The following TRAM2 variants were observed in gnomAD, a reference collection of about 807,000 sequenced individuals.
The protein encoded by TRAM2 is translocation associated membrane protein 2.
In TRAM2, 12 loss-of-function variants were observed where a neutral mutation model predicts 51.0. The ratio of observed to expected loss-of-function variants is 0.24; its 90% confidence interval spans 0.15 to 0.38. TRAM2 has a LOEUF of 0.38. Among genes scored for constraint, TRAM2 ranks in the 10% least tolerant of loss-of-function variants. The probability of loss-of-function intolerance (pLI) is 1.00; values close to 1 mark genes in which losing one functional copy is unlikely to be tolerated. For synonymous variants in TRAM2, 175 were observed against 179.4 expected (o/e 0.98, Z 0.20); for missense variants, 361 against 462.0 (o/e 0.78, Z 2.00).
chr6:52,545,259 C>T (rs554185548), intron 1 of TRAM2, among the ~76,000 whole-genome samples: 9 of 152,058 alleles, frequency 5.9e-5, no homozygotes, highest in African/African-American at 2.2e-4. Flanking sequence ...CAGACACCCT[C>T]GGCCATGGCT....
rs144828886 is a variant in TRAM2, at chr6:52,544,033, T to C, written c.121-8187A>G. Reference sequence around the variant, plus strand: ...TTGAAAGTTTCAAACATCAGCATGTTGACCCCCACATTTTGACTGAAGAGC... The same window carrying C: ...TTGAAAGTTTCAAACATCAGCATGTCGACCCCCACATTTTGACTGAAGAGC... On this transcript the variant is annotated intron_variant, in intron 1 of 10. Coordinates refer to ENST00000182527, the MANE Select transcript of TRAM2 (RefSeq NM_012288.4). Among the ~76,000 whole-genome samples, 445 of 152,322 alleles carry C rather than the reference T, an allele frequency of 2.9e-3. 3 individuals are homozygous for C. Among genetic ancestry groups the C allele is most frequent in the African/African-American group, 0.01 (430 of 41,562 alleles).
intron 1 of TRAM2, among the ~76,000 whole-genome samples, chr6:52,558,782 C>T (rs529890235): frequency 1.7e-4 from 26 of 152,242 alleles, no homozygotes; most frequent in South Asian, 4.2e-4. Flanking sequence ...ATGGCAAATA[C>T]GATCCCTCTA....
At chr6:52,513,975 A>AGTTCTTTGT (rs1766496649) in intron 4 of TRAM2, among the ~76,000 whole-genome samples, 1 of 152,202 alleles carries the variant, frequency 6.6e-6, no homozygotes, top group Non-Finnish European at 1.5e-5. Context: ...ATGGCCAGAT[A>AGTTCTTTGT]GTTCTTTGTT....
intron 4 of TRAM2, among the ~76,000 whole-genome samples, chr6:52,510,140 C>T (rs1482897679): frequency 2.0e-5 from 3 of 152,234 alleles, no homozygotes; most frequent in Admixed American, 2.0e-4. Context: ...ATAGGCCTCA[C>T]CATGCAGCTG....
chr6:52,505,822 C>G, intron 8 of TRAM2, 80 bp from the exon 9 acceptor site: 1 of 1,522,114 alleles, frequency 6.6e-7, no homozygotes, highest in Non-Finnish European at 8.8e-7. Flanking sequence ...GAAGAGACCC[C>G]GAGTGGGAAG....
intron 1 of TRAM2, among the ~76,000 whole-genome samples, chr6:52,544,342 T>C (rs896793313): frequency 3.3e-5 from 5 of 152,324 alleles, no homozygotes; most frequent in Admixed American, 2.6e-4. Flanking sequence ...CTCTGTGTCC[T>C]AGTTTCCATA....
At position 52,501,568 on chromosome 6, in the gene TRAM2, C is replaced by G. The variant is rs1273549615; in HGVS notation, c.*1629G>C. ...TAATTGGGACTTTTGTTTTTTTAGA[C>G]AGAATTTCGCTCTTGTTGTCCAGGC... is the stretch of plus-strand genomic sequence containing the variant. On this transcript the variant is annotated 3_prime_UTR_variant, in exon 11 of 11. Coordinates refer to ENST00000182527, the MANE Select transcript of TRAM2 (RefSeq NM_012288.4). The G allele has an allele frequency of 6.6e-6, 1 of 152,176 alleles. No homozygotes were observed. Among genetic ancestry groups the G allele is most frequent in the African/African-American group, 2.4e-5 (1 of 41,432 alleles). The allele number at this position is 152,176 out of a possible 1,614,324, so 9.4% of individuals were successfully genotyped here.
At position 52,516,734 on chromosome 6, in the gene TRAM2, C is replaced by T. The variant is rs1766557404; in HGVS notation, c.188G>A (p.Ser63Asn). 1.2e-6 allele frequency: 2 copies of T among 1,612,644 alleles called. No homozygotes were observed. The highest frequency in any genetic ancestry group is 4.5e-5 in the East Asian group (2 of 44,886). The change falls in exon 3 of 11, where the codon AGT becomes AAT. Residue 63 changes from serine to asparagine, a missense_variant. Transcript: ENST00000182527. ...QYNISVPTADSETVHYHYGPK... is the reference protein window; with the variant it reads ...QYNISVPTADNETVHYHYGPK... Reference sequence around the variant, plus strand: ...GCCATAGTGGTAGTGCACGGTCTCACTGTCTGTGGAGGTAATAAAAGTCCC... The same window carrying T: ...GCCATAGTGGTAGTGCACGGTCTCATTGTCTGTGGAGGTAATAAAAGTCCC...
At chr6:52,503,314 A>G (rs1223935839) in intron 10 of TRAM2, 44 bp from the exon 11 acceptor site, 2 of 1,578,196 alleles carry the variant, frequency 1.3e-6, no homozygotes, top group Non-Finnish European at 1.7e-6. Flanking sequence ...TTTCTGCTGG[A>G]GCTAAGGCAG....
chr6:52,510,102 TG>T (rs1766425952), intron 4 of TRAM2, among the ~76,000 whole-genome samples: 1 of 152,130 alleles, frequency 6.6e-6, no homozygotes, highest in Admixed American at 6.5e-5. Context: ...TTTCACAGCC[TG>T]CTGAATAAAA....
chr6:52,525,755 C>G (rs1286381872), intron 2 of TRAM2, among the ~76,000 whole-genome samples: 1 of 152,162 alleles, frequency 6.6e-6, no homozygotes, highest in Non-Finnish European at 1.5e-5. Context: ...TTGCAGTGAG[C>G]CGAGATTGTG....
At chr6:52,550,387 C>G (rs1241052345) in intron 1 of TRAM2, among the ~76,000 whole-genome samples, 1 of 152,140 alleles carries the variant, frequency 6.6e-6, no homozygotes, top group Non-Finnish European at 1.5e-5. Context: ...AGTCCACGCC[C>G]TTGTTAATAG....
chr6:52,553,332 T>A (rs1398270369), intron 1 of TRAM2, among the ~76,000 whole-genome samples: 3 of 152,212 alleles, frequency 2.0e-5, no homozygotes, highest in African/African-American at 7.2e-5. Flanking sequence ...ATTAATACTA[T>A]ATGAAGGCTC....
At chr6:52,561,157 T>C (rs1389427330) in intron 1 of TRAM2, among the ~76,000 whole-genome samples, 2 of 152,182 alleles carry the variant, frequency 1.3e-5, no homozygotes, top group African/African-American at 4.8e-5. Flanking sequence ...TATGATCCCA[T>C]GTATATTAAA....
At chr6:52,542,216 A>T (rs927087762) in intron 1 of TRAM2, among the ~76,000 whole-genome samples, 2 of 151,818 alleles carry the variant, frequency 1.3e-5, no homozygotes, top group Non-Finnish European at 2.9e-5. Flanking sequence ...GGCAGACAAG[A>T]AAACCTTGGA....
intron 10 of TRAM2, among the ~76,000 whole-genome samples, chr6:52,503,783 C>T (rs1443770040): frequency 6.6e-6 from 1 of 152,142 alleles, no homozygotes; most frequent in Non-Finnish European, 1.5e-5. Context: ...ACTCCTCTGG[C>T]AGAAAAATTG....
At chr6:52,514,030 G>A (rs1562476891) in intron 4 of TRAM2, among the ~76,000 whole-genome samples, 1 of 152,040 alleles carries the variant, frequency 6.6e-6, no homozygotes, top group African/African-American at 2.4e-5. Flanking sequence ...TAGCATCCCT[G>A]GCCTCCACCC....
chr6:52,548,997 A>G (rs1413650431), intron 1 of TRAM2, among the ~76,000 whole-genome samples: 1 of 152,196 alleles, frequency 6.6e-6, no homozygotes, highest in Non-Finnish European at 1.5e-5. Context: ...ACATGTACAG[A>G]AAGTGGATAA....
chr6:52,572,496 G>A (rs1294825105), intron 1 of TRAM2, among the ~76,000 whole-genome samples: 1 of 152,180 alleles, frequency 6.6e-6, no homozygotes, highest in Non-Finnish European at 1.5e-5. Context: ...TCAGCTACCT[G>A]GAAGGCTAAG....
Sources: allele counts gnomAD v4.1 joint callset (sites outside exome capture counted in the v4.1 genomes callset), GRCh38; gene constraint gnomAD v4.1.1; transcripts MANE v1.5; gene names NCBI Gene and HGNC (gene_info 2026-07-23, HGNC 2026-07-21).